The following ANXA4 variants were observed in gnomAD, a reference collection of about 807,000 sequenced individuals.
ANXA4 encodes the protein annexin A4.
Under a neutral mutation model 49.8 loss-of-function variants are expected in ANXA4, and 39 were observed. That is an observed-to-expected ratio of 0.78 (90% CI 0.61 to 1.02). The LOEUF (loss-of-function observed/expected upper bound fraction) is 1.02. Ranked by LOEUF, ANXA4 falls within the 50% of genes least tolerant of loss-of-function variation. ANXA4 has a pLI of 0.00. For missense variants in ANXA4, 360 were observed against 410.1 expected (o/e 0.88, Z 1.05); for synonymous variants, 134 against 152.5 (o/e 0.88, Z 0.89).
At chr2:69,789,401 G>A (rs1035557279) in intron 3 of ANXA4, among the ~76,000 whole-genome samples, 2 of 152,148 alleles carry the variant, frequency 1.3e-5, no homozygotes, top group Non-Finnish European at 2.9e-5. Flanking sequence ...TGTGGTGATA[G>A]ACACAGCTGT....
At chr2:69,803,033 TA>T (rs1673283103) in intron 3 of ANXA4, among the ~76,000 whole-genome samples, 1 of 150,580 alleles carries the variant, frequency 6.6e-6, no homozygotes, top group African/African-American at 2.4e-5. Context: ...CCATCTCTAG[TA>T]AAAAATACAA....
chr2:69,709,980 G>A (rs111576326), intron 2 of ANXA4, among the ~76,000 whole-genome samples: 3,519 of 139,622 alleles, frequency 0.025, 153 homozygotes, highest in African/African-American at 0.088. Flanking sequence ...GCACTTCCAG[G>A]CTTTTTTTTT....
chr2:69,739,096 T>C (rs1670316338), upstream of ANXA4, among the ~76,000 whole-genome samples: 1 of 152,212 alleles, frequency 6.6e-6, no homozygotes, highest in South Asian at 2.1e-4. Flanking sequence ...AGAGGGACCG[T>C]GGCCACTGTG....
intron 3 of ANXA4, among the ~76,000 whole-genome samples, chr2:69,734,239 C>T (rs1038813416): frequency 2.0e-5 from 3 of 152,214 alleles, no homozygotes; most frequent in Non-Finnish European, 4.4e-5. Context: ...CTGGACGTGG[C>T]CTGGCCATCC....
chr2:69,756,353 GTTAC>G (rs1671039391), intron 1 of ANXA4, among the ~76,000 whole-genome samples: 1 of 152,190 alleles, frequency 6.6e-6, no homozygotes, highest in African/African-American at 2.4e-5. Flanking sequence ...TAGTCAGCTA[GTTAC>G]TTTTTAACCT....
chr2:69,704,892 T>A (rs1290994574), intron 2 of ANXA4, among the ~76,000 whole-genome samples: 1 of 152,158 alleles, frequency 6.6e-6, no homozygotes, highest in Non-Finnish European at 1.5e-5. Context: ...TTGATATCAT[T>A]TAAATTAATA....
intron 3 of ANXA4, among the ~76,000 whole-genome samples, chr2:69,734,155 T>C (rs1670180170): frequency 1.3e-5 from 2 of 152,312 alleles, no homozygotes; most frequent in South Asian, 4.1e-4. Context: ...CTCAAGGCTT[T>C]GCTAACCCAC....
chr2:69,669,369 G>A (rs1194963543), intron 2 of ANXA4, among the ~76,000 whole-genome samples: 3 of 151,632 alleles, frequency 2.0e-5, no homozygotes, highest in African/African-American at 7.3e-5. Flanking sequence ...CAACACTTTG[G>A]GAGGCAGAGG....
intron 1 of ANXA4, among the ~76,000 whole-genome samples, chr2:69,765,745 C>T (rs905139196): frequency 5.3e-5 from 8 of 152,146 alleles, no homozygotes; most frequent in African/African-American, 1.4e-4. Context: ...GAAAATAAAC[C>T]GCAGTGTGAC....
chr2:69,821,403 G>A (rs760980367), intron 12 of ANXA4, among the ~76,000 whole-genome samples: 12 of 152,152 alleles, frequency 7.9e-5, no homozygotes, highest in African/African-American at 2.7e-4. Context: ...ATCAGCGTTC[G>A]ATCTGTGAAC....
intron 2 of ANXA4, among the ~76,000 whole-genome samples, chr2:69,677,920 T>C (rs1677463337): frequency 6.6e-6 from 1 of 152,272 alleles, no homozygotes; most frequent in African/African-American, 2.4e-5. Context: ...CATCCTGCCC[T>C]GTACCTGGAG....
intron 2 of ANXA4, among the ~76,000 whole-genome samples, chr2:69,785,859 C>A (rs1672392714): frequency 6.6e-6 from 1 of 152,136 alleles, no homozygotes; most frequent in Non-Finnish European, 1.5e-5. Context: ...AGCTCAAGGA[C>A]CACCCCTTCT....
chr2:69,712,602 G>A (rs1678711331), intron 2 of ANXA4, among the ~76,000 whole-genome samples: 1 of 152,144 alleles, frequency 6.6e-6, no homozygotes, highest in Admixed American at 6.5e-5. Context: ...ATGGTTCTGG[G>A]CCTTTTAATA....
intron 8 of ANXA4, among the ~76,000 whole-genome samples, chr2:69,813,238 A>G (rs1371300974): frequency 6.7e-6 from 1 of 148,958 alleles, no homozygotes; most frequent in Non-Finnish European, 1.5e-5. Context: ...GGTACCAAAC[A>G]CTGTTCTAAA....
chr2:69,679,653 T>C (rs1324917693), intron 2 of ANXA4, among the ~76,000 whole-genome samples: 2 of 152,196 alleles, frequency 1.3e-5, no homozygotes, highest in African/African-American at 4.8e-5. Context: ...TATATTTATG[T>C]CTTTGCTCCA....
intron 1 of ANXA4, among the ~76,000 whole-genome samples, chr2:69,766,546 T>C (rs2105542199): frequency 6.6e-6 from 1 of 152,312 alleles, no homozygotes; most frequent in Admixed American, 6.5e-5. Flanking sequence ...CACTTTGTTA[T>C]AGAGGAAGGA....
At chr2:69,647,381 A>ATTTTT (rs1188231795) in intron 1 of ANXA4, among the ~76,000 whole-genome samples, 1 of 140,388 alleles carries the variant, frequency 7.1e-6, no homozygotes, top group East Asian at 2.1e-4. Context: ...TTATTGTTTT[A>ATTTTT]TTTTTATTTT....
At chr2:69,674,845 C>A (rs1157121958) in intron 2 of ANXA4, among the ~76,000 whole-genome samples, 3 of 151,772 alleles carry the variant, frequency 2.0e-5, no homozygotes, top group Non-Finnish European at 2.9e-5. Context: ...ATAATTGATT[C>A]TCCAACTCAG....
At chr2:69,649,603 C>CTTTTTTTTTT (rs766975640) in intron 1 of ANXA4, among the ~76,000 whole-genome samples, 1 of 70,660 alleles carries the variant, frequency 1.4e-5, no homozygotes, top group Admixed American at 1.4e-4. Context: ...GATTTTCTTT[C>CTTTTTTTTTT]TTTTTTTTTT....
Sources: allele counts gnomAD v4.1 joint callset (sites outside exome capture counted in the v4.1 genomes callset), GRCh38; gene constraint gnomAD v4.1.1; transcripts MANE v1.5; gene names NCBI Gene and HGNC (gene_info 2026-07-23, HGNC 2026-07-21).